The following SLC41A3 variants were observed in gnomAD, a reference collection of about 807,000 sequenced individuals.
SLC41A3 encodes the protein SLC41A1-like 2.
In SLC41A3, 44 loss-of-function variants were observed where a neutral mutation model predicts 45.4. The observed-to-expected ratio is 0.97, with a 90% CI of 0.76 to 1.25. The LOEUF (loss-of-function observed/expected upper bound fraction) is 1.25. SLC41A3 is among the 50% of genes most tolerant of loss of function. SLC41A3 has a pLI of 0.00. For missense variants in SLC41A3, 550 were observed against 600.6 expected (o/e 0.92, Z 0.88); for synonymous variants, 256 against 252.4 (o/e 1.01, Z -0.13).
intron 2 of SLC41A3, chr3:126,056,557 A>G (rs200888748): frequency 3.8e-4 from 605 of 1,612,876 alleles, no homozygotes; most frequent in Non-Finnish European, 4.6e-4. Flanking sequence ...CACCATGGCC[A>G]GGCAATGCAC....
At chr3:126,019,546 T>G (rs1262010868) in intron 6 of SLC41A3, among the ~76,000 whole-genome samples, 1 of 152,196 alleles carries the variant, frequency 6.6e-6, no homozygotes, top group Non-Finnish European at 1.5e-5. Flanking sequence ...TGTGAGCCTA[T>G]GAAATCAAAA....
At chr3:126,069,164 T>A (rs1944498008) in intron 1 of SLC41A3, among the ~76,000 whole-genome samples, 2 of 151,622 alleles carry the variant, frequency 1.3e-5, no homozygotes, top group Non-Finnish European at 2.9e-5. Flanking sequence ...CAATGGATAG[T>A]GCCACACCCA....
chr3:126,042,779 G>T (rs1395634396), intron 3 of SLC41A3, among the ~76,000 whole-genome samples: 79 of 152,048 alleles, frequency 5.2e-4, no homozygotes, highest in Non-Finnish European at 2.8e-4. Context: ...CTTTACAGAG[G>T]TTCAACAGCA....
intron 6 of SLC41A3, 43 bp downstream of exon 6, chr3:126,022,743 C>G (rs376032519): frequency 5.6e-6 from 9 of 1,610,410 alleles, no homozygotes; most frequent in South Asian, 1.1e-5. Flanking sequence ...CAGGGCCCCC[C>G]CTCCACGGAG....
At chr3:126,022,975 G>A in intron 5 of SLC41A3, 43 bp from the exon 6 acceptor site, 1 of 1,611,092 alleles carries the variant, frequency 6.2e-7, no homozygotes, top group Non-Finnish European at 8.5e-7. Flanking sequence ...AAATCCCAGG[G>A]AGCCAGATGG....
At chr3:126,100,279 T>C (rs1576394646) in intron 1 of SLC41A3, among the ~76,000 whole-genome samples, 1 of 152,246 alleles carries the variant, frequency 6.6e-6, no homozygotes, top group South Asian at 2.1e-4. Context: ...CTTTATTACC[T>C]GGAGCAAGTC....
chr3:126,031,202 G>C (rs1941771951), intron 4 of SLC41A3, among the ~76,000 whole-genome samples: 1 of 152,192 alleles, frequency 6.6e-6, no homozygotes, highest in Admixed American at 6.5e-5. Context: ...TGAGGTTATA[G>C]AGAAACTGAT....
At chr3:126,067,093 G>GCGCGCGCCCCCCCCCCCCCCCCCC in intron 2 of SLC41A3, among the ~76,000 whole-genome samples, 1 of 74,552 alleles carries the variant, frequency 1.3e-5, no homozygotes, top group African/African-American at 4.6e-5. Context: ...GGGTTGGACC[G>GCGCGCGCCCCCCCCCCCCCCCCCC]CCCCCCCGCC....
rs370926893 is a variant in SLC41A3, at chr3:126,056,353, C to A, written c.274-5303G>T. 14 of 1,613,512 alleles carry A rather than the reference C, an allele frequency of 8.7e-6. No homozygotes were observed. In the Middle Eastern group the frequency reaches 5.0e-4, roughly 58 times the overall value. ...CCCCTGATCCCCCAAACACCCAGTA[C>A]GCACTTGAATGGTGTTCATCACCAG... On this transcript the variant is annotated intron_variant, in intron 2 of 10. Coordinates refer to ENST00000360370, the MANE Select transcript of SLC41A3 (RefSeq NM_017836.4).
chr3:126,008,761 C>T lies in SLC41A3; in HGVS notation c.1225G>A (p.Val409Met). 6.2e-7 allele frequency: 1 copy of T among 1,614,046 alleles called. No homozygotes were observed. Among genetic ancestry groups the T allele is most frequent in the African/African-American group, 1.3e-5 (1 of 75,020 alleles). Residue 409 changes from valine to methionine, a missense_variant, in exon 10 of 11, where the codon GTG becomes ATG. Physicochemically the swap from Val to Met is conservative, Grantham distance 21. Transcript: ENST00000360370. ...ATCAGGCCTGCCAGCAGGTAGAGCA[C>T]CACAAAGGTCTGGCTGTTTATGACT... ...QSVINSQTFV[V>M]LYLLAGLIQV... is the part of the protein sequence containing the mutation.
intron 2 of SLC41A3, among the ~76,000 whole-genome samples, chr3:126,059,280 A>AAGAAAAGAAAG: frequency 7.2e-6 from 1 of 139,438 alleles, no homozygotes; most frequent in Non-Finnish European, 1.6e-5. Context: ...GAAAGAAAGA[A>AAGAAAAGAAAG]AGAAAGAAAG....
intron 1 of SLC41A3, among the ~76,000 whole-genome samples, chr3:126,082,026 C>T (rs1945180860): frequency 6.6e-6 from 1 of 152,260 alleles, no homozygotes; most frequent in Non-Finnish European, 1.5e-5. Context: ...GCCAGGGTGA[C>T]CCGGGAGCAG....
At chr3:126,054,375 C>T (rs6795856) in intron 2 of SLC41A3, among the ~76,000 whole-genome samples, 100,052 of 151,882 alleles carry the variant, frequency 0.66, 33,207 homozygotes, top group Middle Eastern at 0.72. Flanking sequence ...TGGAGCTGCA[C>T]AGTTGTGTGC....
At chr3:126,069,842 T>C (rs1944533425) in intron 1 of SLC41A3, among the ~76,000 whole-genome samples, 1 of 151,778 alleles carries the variant, frequency 6.6e-6, no homozygotes, top group Admixed American at 6.6e-5. Flanking sequence ...GAATGTAAAA[T>C]TCCCTAGAAG....
At chr3:126,034,709 G>T (rs1427153194) in intron 3 of SLC41A3, among the ~76,000 whole-genome samples, 1 of 152,216 alleles carries the variant, frequency 6.6e-6, no homozygotes, top group Non-Finnish European at 1.5e-5. Flanking sequence ...CAGCTGCACT[G>T]TGTGTTCACT....
chr3:126,086,417 T>G (rs867296878), upstream of SLC41A3, among the ~76,000 whole-genome samples: 15,636 of 100,516 alleles, frequency 0.16, 2,007 homozygotes, highest in Non-Finnish European at 0.18. Flanking sequence ...TGTTTTTTTT[T>G]TTTTTTTTTT....
chr3:126,013,553 ACT>A lies in SLC41A3; in HGVS notation c.971-806_971-805del, dbSNP rs528096714. Among the ~76,000 whole-genome samples, 265 of 132,940 alleles carry A rather than the reference ACT, an allele frequency of 2.0e-3. 2 individuals are homozygous for A. Among genetic ancestry groups the A allele is most frequent in the Non-Finnish European group, 6.3e-4 (39 of 61,956 alleles). The allele number at this position is 132,940 out of a possible 152,430, so 87.2% of individuals were successfully genotyped here. On this transcript the variant is annotated intron_variant, in intron 8 of 10. Transcript: ENST00000360370. ...ACTCCAGCCTGGGTGACAGAGTAAG[ACT>A]CTGTCTCAAAAAAAAAAAAAGAATG...
rs770062713 is a variant in SLC41A3, at chr3:126,020,905, C to CT, written c.745+1880dup. Among the ~76,000 whole-genome samples the CT allele has an allele frequency of 6.8e-3, 989 of 145,936 alleles. 3 individuals carry two copies. The highest frequency in any genetic ancestry group is 0.011 in the Non-Finnish European group (736 of 66,238). On this transcript the variant is annotated intron_variant, in intron 6 of 10. Transcript: ENST00000360370. ...TTCTTTGTTTAGAGTTTTTTTTTTT[C>CT]TTTTTTTTTGAGACAGTCTCTCTCT... is the stretch of plus-strand genomic sequence containing the variant.
At chr3:126,051,472 G>A (rs1397638989) in intron 2 of SLC41A3, among the ~76,000 whole-genome samples, 7 of 152,196 alleles carry the variant, frequency 4.6e-5, no homozygotes, top group Admixed American at 4.6e-4. Context: ...CTTCACACAG[G>A]CCATGCAGGC....
Sources: allele counts gnomAD v4.1 joint callset (sites outside exome capture counted in the v4.1 genomes callset), GRCh38; gene constraint gnomAD v4.1.1; transcripts MANE v1.5; gene names NCBI Gene and HGNC (gene_info 2026-07-23, HGNC 2026-07-21).